The following ARSD variants were observed in gnomAD, a reference collection of about 807,000 sequenced individuals.
ARSD encodes the protein testis tissue sperm-binding protein Li 39a.
A neutral mutation model predicts 32.6 loss-of-function variants in ARSD; 21 were observed. The ratio of observed to expected loss-of-function variants is 0.64; its 90% CI spans 0.46 to 0.93. The LOEUF is 0.93. Ranked by LOEUF, ARSD falls within the 40% of genes least tolerant of loss-of-function variation. ARSD has a pLI of 0.00. For missense variants in ARSD, 454 were observed against 520.9 expected, an observed-to-expected ratio of 0.87 and a Z score of 1.25; for synonymous variants, 224 against 237.4, an observed-to-expected ratio of 0.94 and a Z score of 0.52.
intron 1 of ARSD, among the ~76,000 whole-genome samples, chrX:2,928,810 G>A (rs951156000): frequency 9.0e-6 from 1 of 111,386 alleles, no homozygotes; most frequent in African/African-American, 3.3e-5. Flanking sequence ...GCGGGTCTTA[G>A]GGAGCCTTTG....
chrX:2,905,752 CTT>C lies in ARSD; in HGVS notation c.*1517_*1518del, dbSNP rs2088847932. The C allele has an allele frequency of 8.9e-6, 1 of 112,792 alleles. No individual in the cohort carries two copies. The highest frequency in any genetic ancestry group is 3.2e-5 in the African/African-American group (1 of 31,059). The allele number at this position is 112,792 out of a possible 1,213,427, so 9.3% of individuals were successfully genotyped here. Reference sequence around the variant, plus strand: ...CCTCAGTCAACACAGTAAGTGTTTTCTTGTTTTCCTGCTGACCAACCTAATTC... The same window carrying C: ...CCTCAGTCAACACAGTAAGTGTTTTCGTTTTCCTGCTGACCAACCTAATTC... On this transcript the variant is annotated 3_prime_UTR_variant, in exon 10 of 10. Transcript: ENST00000381154.
Position 2,904,118 on chromosome X carries a change from C to G in ARSD, c.*3153G>C. 1 of 111,553 alleles carries G rather than the reference C, an allele frequency of 9.0e-6. No homozygotes were observed. The highest frequency in any genetic ancestry group is 1.9e-5 in the Non-Finnish European group (1 of 53,174). 9.2% of individuals were successfully genotyped at this position (111,553 alleles called of 1,213,427 possible). A position where few individuals can be genotyped will look rare whatever the true frequency, so the allele number is the denominator to read the frequency against. On this transcript the variant is annotated 3_prime_UTR_variant, in exon 10 of 10. Transcript: ENST00000381154. The stretch of plus-strand genomic sequence containing the variant: ...GACTGCAGCAACTTTATTACCTTAA[C>G]TAGCACAGAACAGAGGTTGATTTAA...
chrX:2,917,730 C>T (rs2088977159), intron 5 of ARSD, 74 bp downstream of exon 5: 1 of 1,071,189 alleles, frequency 9.3e-7, no homozygotes. Flanking sequence ...CTTGGCCTCC[C>T]GAAGTGCTAG....
In ARSD at chrX:2,918,009, A is replaced by G; in HGVS notation, c.658T>C (p.Cys220Arg). The G allele has an allele frequency of 8.3e-7, 1 of 1,207,843 alleles. No individual in the cohort carries two copies. Among genetic ancestry groups the G allele is most frequent in the Non-Finnish European group, 1.1e-6 (1 of 893,368 alleles). ...GILTLAAGQTCGFFSVSARAV... is the reference protein window; with the variant it reads ...GILTLAAGQTRGFFSVSARAV... Reference sequence around the variant, plus strand: ...CTCGCGGAGACAGAGAAGAAACCGCAGGTCTGGCCGGCAGCCAGGGTGAGA... The same window carrying G: ...CTCGCGGAGACAGAGAAGAAACCGCGGGTCTGGCCGGCAGCCAGGGTGAGA... The change falls in exon 5 of 10, where the codon TGC becomes CGC. Residue 220 changes from cysteine to arginine, a missense_variant. This residue lies in a region of ARSD where 271 missense variants were observed against 301.0 expected (regional missense o/e 0.90). Coordinates refer to ENST00000381154, the MANE Select transcript of ARSD (RefSeq NM_001669.4).
In ARSD at chrX:2,909,778, A is replaced by T. The variant is rs185915230; in HGVS notation, c.1298+39T>A. 1.1e-3 allele frequency: 1,252 copies of T among 1,116,061 alleles called. 14 individuals are homozygous for T. The African/African-American group carries it at 0.017, about 16-fold the overall frequency. The allele number at this position is 1,116,061 out of a possible 1,213,427, so 92.0% of individuals were successfully genotyped here. A position where few individuals can be genotyped will look rare whatever the true frequency, so the allele number is the denominator to read the frequency against. On this transcript the variant is annotated intron_variant, in intron 8 of 9. Transcript: ENST00000381154. ...TAAAAAAAAAAAACTAAAAACAATT[A>T]AAAAAAATCAGGGAACAGGCAGCCT... is the stretch of plus-strand genomic sequence containing the variant.
intron 1 of ARSD, among the ~76,000 whole-genome samples, chrX:2,926,756 A>C (rs2089086192): frequency 8.9e-6 from 1 of 112,405 alleles, no homozygotes; most frequent in Non-Finnish European, 1.9e-5. Flanking sequence ...TAACCCTGTA[A>C]GAAAAGTAAC....
rs773173184 is a variant in ARSD at position 2,910,774 on chromosome X, G to A, written c.1020C>T (p.Ile340=). ...DWLIGKVLNA[I]EDNGLKNSTF... is the part of the protein sequence containing the mutation. ...TTGAGTTCTTTAAACCATTGTCTTC[G>A]ATGGCATTAAGAACCTTACCTTTAC... Residue 340 remains isoleucine, a synonymous_variant, in exon 7 of 10, where the codon ATC becomes ATT. Coordinates refer to ENST00000381154, the MANE Select transcript of ARSD (RefSeq NM_001669.4). 2.7e-5 allele frequency: 33 copies of A among 1,209,011 alleles called. No homozygotes were observed. In the South Asian group the frequency reaches 4.1e-4, roughly 15 times the overall value.
At chrX:2,912,032 C>T (rs776413902) in intron 6 of ARSD, among the ~76,000 whole-genome samples, 1 of 111,543 alleles carries the variant, frequency 9.0e-6, no homozygotes, top group Non-Finnish European at 1.9e-5. Context: ...CCTAGCTACT[C>T]GGGAGGCCGA....
chrX:2,915,046 T>G (rs1274643807), intron 6 of ARSD, among the ~76,000 whole-genome samples: 2 of 111,555 alleles, frequency 1.8e-5, no homozygotes, highest in Non-Finnish European at 3.8e-5. Context: ...GGCTAAGCAT[T>G]TATTTTTGTA....
intron 3 of ARSD, among the ~76,000 whole-genome samples, chrX:2,921,215 T>A (rs2089025499): frequency 8.9e-6 from 1 of 111,744 alleles, no homozygotes; most frequent in African/African-American, 3.3e-5. Context: ...AGCTATCACC[T>A]GTCACCTGTC....
intron 6 of ARSD, among the ~76,000 whole-genome samples, chrX:2,913,117 A>G (rs1359522768): frequency 8.9e-6 from 1 of 112,069 alleles, no homozygotes; most frequent in Non-Finnish European, 1.9e-5. Context: ...CCATCGCTAC[A>G]TGTAAGATGT....
intron 6 of ARSD, among the ~76,000 whole-genome samples, chrX:2,912,092 A>C (rs762438902): frequency 9.0e-6 from 1 of 111,447 alleles, no homozygotes; most frequent in Non-Finnish European, 1.9e-5. Context: ...ATGAGTCAAG[A>C]TCACACCATG....
At chrX:2,914,551 A>C in intron 6 of ARSD, 2 of 968,430 alleles carry the variant, frequency 2.1e-6, no homozygotes, top group Non-Finnish European at 2.7e-6. Context: ...GAAAATGCAG[A>C]CTTTTAAGAC....
intron 1 of ARSD, among the ~76,000 whole-genome samples, chrX:2,926,795 CT>C (rs1401484948): frequency 2.7e-5 from 3 of 111,170 alleles, no homozygotes; most frequent in Non-Finnish European, 3.8e-5. Context: ...CTTTATTATT[CT>C]TTTTTTTCTT....
At chrX:2,921,610 C>G (rs778025833) in intron 3 of ARSD, among the ~76,000 whole-genome samples, 26 of 112,341 alleles carry the variant, frequency 2.3e-4, no homozygotes, top group African/African-American at 8.4e-4. Flanking sequence ...CTTGGGGAAA[C>G]TTTGCTCTCT....
rs1043269 is a variant in ARSD at position 2,905,642 on chromosome X, T to A, written c.*1629A>T. 8.9e-6 allele frequency: 1 copy of A among 112,406 alleles called. No individual in the cohort carries two copies. The highest frequency in any genetic ancestry group is 3.3e-5 in the African/African-American group (1 of 30,735). The allele number at this position is 112,406 out of a possible 1,213,427, so 9.3% of individuals were successfully genotyped here. On this transcript the variant is annotated 3_prime_UTR_variant, in exon 10 of 10. Transcript: ENST00000381154. Reference sequence around the variant, plus strand: ...TCTTCTGTGCCTCTGAGGATCATTTTCCAATTATAGGCAATGGTAGTACGT... The same window carrying A: ...TCTTCTGTGCCTCTGAGGATCATTTACCAATTATAGGCAATGGTAGTACGT...
chrX:2,912,585 G>A (rs1400499286), intron 6 of ARSD, among the ~76,000 whole-genome samples: 1 of 110,985 alleles, frequency 9.0e-6, no homozygotes, highest in African/African-American at 3.3e-5. Context: ...TGACTCTTTC[G>A]GTCGACCCCA....
chrX:2,916,056 C>T (rs1318541314), intron 5 of ARSD, among the ~76,000 whole-genome samples: 12 of 96,820 alleles, frequency 1.2e-4, no homozygotes, highest in Admixed American at 1.3e-4. Flanking sequence ...GGCTTGAGCC[C>T]GGGAGGTGGA....
At chrX:2,920,366 C>CTT (rs1259982212) in intron 4 of ARSD, 111 of 320,113 alleles carry the variant, frequency 3.5e-4, no homozygotes, top group East Asian at 6.5e-4. Context: ...AAAACGGGAT[C>CTT]TTTTTTTTTT....
Sources: gnomAD v4.1 joint callset for allele counts (sites outside exome capture counted in the v4.1 genomes callset) on GRCh38, gnomAD v4.1.1 for gene constraint, gnomAD v4.1.1 regional missense constraint, MANE v1.5 for transcripts, NCBI Gene and HGNC (gene_info 2026-07-23, HGNC 2026-07-21) for gene names.